SENP7: variants seen among roughly 807,000 people sequenced by gnomAD.
SENP7 encodes SUMO specific peptidase 7.
SENP7 carries 64 observed loss-of-function variants against 141.2 expected under a neutral mutation model. The observed-to-expected ratio is 0.45, with a 90% CI of 0.37 to 0.56. The LOEUF is 0.56. Among genes scored for constraint, SENP7 ranks in the 20% least tolerant of loss-of-function variants. SENP7 has a pLI of 0.00. For synonymous variants in SENP7, 382 were observed against 426.4 expected, an observed-to-expected ratio of 0.90 and a Z score of 1.28; for missense variants, 1,025 against 1,212.2, an observed-to-expected ratio of 0.85 and a Z score of 2.29.
At position 101,337,581 on chromosome 3, in the gene SENP7, A is replaced by C; in HGVS notation, c.2408T>G (p.Ile803Ser). Residue 803 changes from isoleucine to serine, a missense_variant, in exon 17 of 24, where the codon ATT becomes AGT. Ile to Ser is a moderately radical substitution (Grantham distance 142). Transcript: ENST00000394095. ...GCATTTATAGAAAAAGCTACTAAAA[A>C]TGTGACTTCGTTCAACAAGTTCATC... The part of the protein sequence containing the change: ...ASDELVERSH[I>S]FSSFFYKCLT... 6.2e-7 allele frequency: 1 copy of C among 1,602,864 alleles called. No homozygotes were observed. The highest frequency in any genetic ancestry group is 8.5e-7 in the Non-Finnish European group (1 of 1,171,834).
chr3:101,405,948 C>T (rs1057180063), intron 5 of SENP7, among the ~76,000 whole-genome samples: 1 of 152,012 alleles, frequency 6.6e-6, no homozygotes, highest in African/African-American at 2.4e-5. Flanking sequence ...ATGACCAAAT[C>T]TAAGAATAAT....
At chr3:101,401,958 A>C (rs2061156101) in intron 5 of SENP7, among the ~76,000 whole-genome samples, 1 of 151,546 alleles carries the variant, frequency 6.6e-6, no homozygotes, top group South Asian at 2.1e-4. Flanking sequence ...GGGAGGTCAA[A>C]GCTGAAATGA....
At chr3:101,418,481 G>C (rs1468520584) in intron 4 of SENP7, among the ~76,000 whole-genome samples, 1 of 152,108 alleles carries the variant, frequency 6.6e-6, no homozygotes, top group Non-Finnish European at 1.5e-5. Context: ...TTCTGCAGTG[G>C]TGTGAACAGG....
In SENP7 at chr3:101,343,818, A is replaced by C. The variant is rs977855477; in HGVS notation, c.1974T>G (p.Val658=). ...GGTTCTGAAACAAAGGAAATGCCTG[A>C]ACCCAAGACAACGGGTAAGAAAGCT... ...ELELSYPLSW[V]QAFPLFQNLS... Residue 658 remains valine, a synonymous_variant, in exon 14 of 24, where the codon GTT becomes GTG. Transcript: ENST00000394095. The C allele has an allele frequency of 6.2e-7, 1 of 1,613,962 alleles. No individual in the cohort carries two copies. The highest frequency in any genetic ancestry group is 8.5e-7 in the Non-Finnish European group (1 of 1,179,906).
intron 14 of SENP7, among the ~76,000 whole-genome samples, chr3:101,342,674 C>G (rs544167652): frequency 6.6e-6 from 1 of 151,196 alleles, no homozygotes. Context: ...GACCTTAGTA[C>G]CTTTTTTTTT....
intron 5 of SENP7, among the ~76,000 whole-genome samples, chr3:101,399,577 T>C (rs1428069266): frequency 1.3e-5 from 2 of 152,250 alleles, no homozygotes; most frequent in Non-Finnish European, 2.9e-5. Flanking sequence ...GGTGATAACA[T>C]ATATGCTAAT....
At chr3:101,388,067 G>A (rs949810107) in intron 6 of SENP7, among the ~76,000 whole-genome samples, 3 of 152,136 alleles carry the variant, frequency 2.0e-5, no homozygotes, top group African/African-American at 7.2e-5. Flanking sequence ...AGTGCTTAAG[G>A]AATAAGGATT....
chr3:101,355,145 T>C (rs1287109979), intron 11 of SENP7, among the ~76,000 whole-genome samples: 1 of 152,206 alleles, frequency 6.6e-6, no homozygotes, highest in Non-Finnish European at 1.5e-5. Flanking sequence ...TTTGCAAATA[T>C]TTCCTCCCAT....
At position 101,493,892 on chromosome 3, in the gene SENP7, C is replaced by T. The variant is rs374701926; in HGVS notation, c.167G>A (p.Arg56His). Residue 56 changes from arginine (R) to histidine (H), a missense_variant, in exon 3 of 24, where the codon CGC becomes CAC. Coordinates refer to ENST00000394095, the MANE Select transcript of SENP7 (RefSeq NM_020654.5). ...TACCACCTGCAAAGGGAGAGTCCAG[C>T]GTTCTGAGCTTCTGAATTTGGACAG... is the stretch of plus-strand genomic sequence containing the variant. The part of the protein sequence containing the change: ...SPLSKFRSSE[R>H]WTLPLQWERS... 5.0e-6 allele frequency: 8 copies of T among 1,601,138 alleles called. No homozygotes were observed. The highest frequency in any genetic ancestry group is 2.2e-5 in the South Asian group (2 of 89,520).
At chr3:101,512,653 T>TGAGGGAAAGAG (rs1007316764) in intron 1 of SENP7, among the ~76,000 whole-genome samples, 1 of 152,030 alleles carries the variant, frequency 6.6e-6, no homozygotes, top group Non-Finnish European at 1.5e-5. Context: ...AGCTACCTGC[T>TGAGGGAAAGAG]GAGGGAAAGA....
intron 5 of SENP7, among the ~76,000 whole-genome samples, chr3:101,407,986 CA>C (rs1334450502): frequency 6.6e-6 from 1 of 151,830 alleles, no homozygotes; most frequent in Admixed American, 6.6e-5. Flanking sequence ...ATAAATGAAA[CA>C]AAAAGCTGGT....
Position 101,367,921 on chromosome 3 carries a change from G to A in SENP7, c.887C>T (p.Thr296Ile). 6.2e-7 allele frequency: 1 copy of A among 1,608,680 alleles called. No individual in the cohort carries two copies. Among genetic ancestry groups the A allele is most frequent in the Non-Finnish European group, 8.5e-7 (1 of 1,175,376 alleles). ...TCTCTTTGTCTTCCTGGAAATCAGA[G>A]TGAGTTCCACTTTTGAATCAGAATA... ...VKYSDSKVEL[T>I]LISRKTKRRL... The change falls in exon 8 of 24, where the codon ACT (threonine) becomes ATT (isoleucine). Residue 296 changes from threonine to isoleucine, a missense_variant. Physicochemically the swap from Thr to Ile is moderately conservative, Grantham distance 89. Transcript: ENST00000394095.
intron 19 of SENP7, 74 bp from the exon 20 acceptor site, chr3:101,330,460 A>C: frequency 9.8e-7 from 1 of 1,019,046 alleles, no homozygotes; most frequent in Non-Finnish European, 1.5e-6. Context: ...AAAGCTTAAA[A>C]TTATAATTTT....
intron 4 of SENP7, among the ~76,000 whole-genome samples, chr3:101,455,692 T>C (rs997789471): frequency 1.3e-5 from 2 of 152,142 alleles, no homozygotes; most frequent in Non-Finnish European, 2.9e-5. Flanking sequence ...CCAAGAGAAT[T>C]TTACAAAATT....
chr3:101,345,606 C>G (rs191678226), intron 13 of SENP7, among the ~76,000 whole-genome samples: 1 of 152,120 alleles, frequency 6.6e-6, no homozygotes, highest in African/African-American at 2.4e-5. Context: ...GAAACAGTGA[C>G]AGTTTGACTT....
intron 10 of SENP7, among the ~76,000 whole-genome samples, chr3:101,362,430 T>C (rs2059926082): frequency 1.3e-5 from 2 of 152,216 alleles, no homozygotes; most frequent in African/African-American, 4.8e-5. Flanking sequence ...CATAAAATTG[T>C]TTCCATTAAC....
intron 20 of SENP7, among the ~76,000 whole-genome samples, chr3:101,329,929 TG>T (rs2059004691): frequency 6.8e-6 from 1 of 146,966 alleles, no homozygotes; most frequent in Admixed American, 6.9e-5. Context: ...CACTCCAGCC[TG>T]GGTGTCAGCA....
intron 19 of SENP7, 28 bp downstream of exon 19, chr3:101,331,957 A>T: frequency 6.2e-7 from 1 of 1,607,974 alleles, no homozygotes; most frequent in Non-Finnish European, 8.5e-7. Context: ...ATCATTATTA[A>T]AAACACCATC....
intron 4 of SENP7, among the ~76,000 whole-genome samples, chr3:101,426,737 C>T (rs1479119354): frequency 6.6e-6 from 1 of 152,136 alleles, no homozygotes; most frequent in Non-Finnish European, 1.5e-5. Flanking sequence ...CCACCTCAGC[C>T]TCCCAAAGTG....
Sources: allele counts gnomAD v4.1 joint callset (sites outside exome capture counted in the v4.1 genomes callset), GRCh38; gene constraint gnomAD v4.1.1; transcripts MANE v1.5; gene names NCBI Gene and HGNC (gene_info 2026-07-23, HGNC 2026-07-21).